The following SH3BGRL variants were observed in gnomAD, a reference collection of about 807,000 sequenced individuals.
SH3BGRL encodes SH3 domain binding glutamate rich protein like.
SH3BGRL carries 7 observed loss-of-function variants against 9.8 expected under a neutral mutation model. The ratio of observed to expected loss-of-function variants is 0.72; its 90% CI spans 0.41 to 1.35. The LOEUF (loss-of-function observed/expected upper bound fraction) is 1.35, where lower values mean the gene tolerates loss of function less well. Among genes scored for constraint, SH3BGRL ranks in the 40% most tolerant of loss-of-function variants. The pLI is 0.01. For missense variants in SH3BGRL, 73 were observed against 84.4 expected, an observed-to-expected ratio of 0.86 and a Z score of 0.53; for synonymous variants, 36 against 29.1, an observed-to-expected ratio of 1.24 and a Z score of -0.76.
intron 3 of SH3BGRL, among the ~76,000 whole-genome samples, chrX:81,279,030 T>C (rs1234400997): frequency 8.9e-6 from 1 of 112,320 alleles, no homozygotes; most frequent in Non-Finnish European, 1.9e-5. Context: ...TTTATAGTAG[T>C]TCTTCACACA....
At chrX:81,283,504 A>T (rs1164155794) in intron 3 of SH3BGRL, among the ~76,000 whole-genome samples, 2 of 112,133 alleles carry the variant, frequency 1.8e-5, no homozygotes, top group Non-Finnish European at 3.8e-5. Context: ...GGATGCAGGG[A>T]TGGTTTAACA....
intron 1 of SH3BGRL, among the ~76,000 whole-genome samples, chrX:81,238,827 G>GA (rs2075657850): frequency 6.2e-5 from 5 of 81,038 alleles, no homozygotes; most frequent in African/African-American, 1.7e-4. Flanking sequence ...AGAGAGAGAG[G>GA]GAGAGAGAGA....
intron 1 of SH3BGRL, among the ~76,000 whole-genome samples, chrX:81,224,223 A>C (rs1018751438): frequency 9.0e-6 from 1 of 111,688 alleles, no homozygotes; most frequent in African/African-American, 3.3e-5. Context: ...GTGACTTTTT[A>C]ATGTAGTTTA....
chrX:81,290,877 T>TA (rs748897006), intron 3 of SH3BGRL, among the ~76,000 whole-genome samples: 160 of 110,185 alleles, frequency 1.5e-3, no homozygotes, highest in African/African-American at 5.0e-3. Context: ...AAATTCAAAA[T>TA]AAAAAAAAGA....
At chrX:81,238,678 G>T (rs2075656713) in intron 1 of SH3BGRL, among the ~76,000 whole-genome samples, 1 of 110,795 alleles carries the variant, frequency 9.0e-6, no homozygotes, top group African/African-American at 3.3e-5. Flanking sequence ...TTACAGCAGG[G>T]CTCGGGTGAG....
chrX:81,202,889 T>C (rs1442560159), intron 1 of SH3BGRL, among the ~76,000 whole-genome samples: 1 of 111,518 alleles, frequency 9.0e-6, no homozygotes, highest in African/African-American at 3.3e-5. Flanking sequence ...TCCCCCCATA[T>C]TGTCCCTTAT....
intron 1 of SH3BGRL, among the ~76,000 whole-genome samples, chrX:81,260,719 T>G (rs1451926842): frequency 1.3e-4 from 14 of 111,095 alleles, no homozygotes; most frequent in Admixed American, 1.2e-3. Context: ...ATAATTATAA[T>G]TAAAGTTCCT....
rs1319912675 is a variant in SH3BGRL, at chrX:81,298,247, C to T, written c.*1020C>T. On this transcript the variant is annotated 3_prime_UTR_variant, in exon 4 of 4. Coordinates refer to ENST00000373212, the MANE Select transcript of SH3BGRL (RefSeq NM_003022.3). ...TGAGAATCTTTTCTATGCCTCTATT[C>T]CAGCAAAAAGTAGAAGTATCAAATA... The T allele has an allele frequency of 9.0e-6, 1 of 110,964 alleles. No homozygotes were observed. Among genetic ancestry groups the T allele is most frequent in the Non-Finnish European group, 1.9e-5 (1 of 52,710 alleles). 9.1% of individuals were successfully genotyped at this position (110,964 alleles called of 1,213,427 possible).
chrX:81,226,564 A>T (rs886358721), intron 1 of SH3BGRL, among the ~76,000 whole-genome samples: 8 of 103,258 alleles, frequency 7.7e-5, no homozygotes, highest in Non-Finnish European at 1.6e-4. Flanking sequence ...TTTTTGTTAT[A>T]TTTTGTTTAT....
chrX:81,273,651 T>G (rs1363741065), intron 1 of SH3BGRL, among the ~76,000 whole-genome samples: 3 of 9,922 alleles, frequency 3.0e-4, no homozygotes, highest in African/African-American at 2.1e-3. Context: ...GTTAAATGGT[T>G]TTTTTTTTTT....
At position 81,231,974 on chromosome X, in the gene SH3BGRL, ACAC is replaced by A. The variant is rs1489950580; in HGVS notation, c.45+29730_45+29732del. Reference sequence around the variant, plus strand: ...TGTGTTTCTCTCTATATATATACACACACACGTATATGTATATGTTTGTACAGG... The same window carrying A: ...TGTGTTTCTCTCTATATATATACACAACGTATATGTATATGTTTGTACAGG... On this transcript the variant is annotated intron_variant, in intron 1 of 3. Coordinates refer to ENST00000373212, the MANE Select transcript of SH3BGRL (RefSeq NM_003022.3). Among the ~76,000 whole-genome samples the A allele has an allele frequency of 2.7e-5, 3 of 111,343 alleles. No individual in the cohort carries two copies. In the Admixed American group the frequency reaches 2.9e-4, roughly 11 times the overall value.
intron 1 of SH3BGRL, among the ~76,000 whole-genome samples, chrX:81,225,425 A>G (rs1343062355): frequency 9.0e-6 from 1 of 110,754 alleles, no homozygotes; most frequent in Non-Finnish European, 1.9e-5. Context: ...TCTCACCTTT[A>G]ATAGTCTCCA....
intron 2 of SH3BGRL, among the ~76,000 whole-genome samples, 184 bp downstream of exon 2, chrX:81,277,353 T>C (rs2075801821): frequency 8.9e-6 from 1 of 112,362 alleles, no homozygotes. Flanking sequence ...ATGTTTGCTA[T>C]TGATTATGCA....
intron 1 of SH3BGRL, among the ~76,000 whole-genome samples, chrX:81,260,169 G>A (rs957622878): frequency 1.8e-5 from 2 of 111,793 alleles, no homozygotes; most frequent in African/African-American, 6.5e-5. Context: ...CTGCACTCAA[G>A]GAGGCTTCAT....
rs774836766 is a variant in SH3BGRL at position 81,210,905 on chromosome X, ACAAT to A, written c.45+8664_45+8667del. Reference sequence around the variant, plus strand: ...GGAGAACTTGAGTTTATCAGAGGAGACAATCAAAGTTATAAGAGCTCAGCCTATA... The same window carrying A: ...GGAGAACTTGAGTTTATCAGAGGAGACAAAGTTATAAGAGCTCAGCCTATA... On this transcript the variant is annotated intron_variant, in intron 1 of 3. Coordinates refer to ENST00000373212, the MANE Select transcript of SH3BGRL (RefSeq NM_003022.3). 4.8e-3 allele frequency among the ~76,000 whole-genome samples: 539 copies of A among 112,464 alleles called. 4 individuals are homozygous for A. Among genetic ancestry groups the A allele is most frequent in the African/African-American group, 0.017 (519 of 30,990 alleles).
At chrX:81,231,722 A>G (rs1192194691) in intron 1 of SH3BGRL, among the ~76,000 whole-genome samples, 2 of 111,875 alleles carry the variant, frequency 1.8e-5, no homozygotes, top group African/African-American at 6.5e-5. Context: ...TCTAAGGAGA[A>G]CCTTTTGGAG....
In SH3BGRL at chrX:81,209,653, C is replaced by G. The variant is rs189795871; in HGVS notation, c.45+7408C>G. Among the ~76,000 whole-genome samples, 476 of 111,191 alleles carry G rather than the reference C, an allele frequency of 4.3e-3. 2 individuals carry two copies. Among genetic ancestry groups the G allele is most frequent in the Non-Finnish European group, 7.0e-3 (371 of 53,047 alleles). On this transcript the variant is annotated intron_variant, in intron 1 of 3. Transcript: ENST00000373212. Reference sequence around the variant, plus strand: ...GAAATTGTCAATACTACATAAAAATCCTGTTATATGATTTTGAAATACAAT... The same window carrying G: ...GAAATTGTCAATACTACATAAAAATGCTGTTATATGATTTTGAAATACAAT...
At chrX:81,296,397 AT>A (rs1285566998) in intron 3 of SH3BGRL, among the ~76,000 whole-genome samples, 2 of 111,735 alleles carry the variant, frequency 1.8e-5, no homozygotes, top group Non-Finnish European at 3.8e-5. Flanking sequence ...TTTTGGTGTC[AT>A]TTAATATTTT....
At chrX:81,222,728 A>G (rs1219416709) in intron 1 of SH3BGRL, among the ~76,000 whole-genome samples, 1 of 111,097 alleles carries the variant, frequency 9.0e-6, no homozygotes, top group Non-Finnish European at 1.9e-5. Context: ...TCTAGTTCCA[A>G]ATGCCTGAGG....
Sources: allele counts gnomAD v4.1 joint callset (sites outside exome capture counted in the v4.1 genomes callset), GRCh38; gene constraint gnomAD v4.1.1; transcripts MANE v1.5; gene names NCBI Gene and HGNC (gene_info 2026-07-23, HGNC 2026-07-21).